MX2: variants seen among roughly 807,000 people sequenced by gnomAD.
MX2 encodes MX dynamin like GTPase 2.
In MX2, 51 loss-of-function variants were observed where a neutral mutation model predicts 74.0. The ratio of observed to expected loss-of-function variants is 0.69; its 90% CI spans 0.55 to 0.87. MX2 has a LOEUF of 0.87. MX2 is among the 40% of genes least tolerant of loss of function. The probability of loss-of-function intolerance (pLI) is 0.00; values close to 1 mark genes in which losing one functional copy is unlikely to be tolerated. For missense variants in MX2, 832 were observed against 908.7 expected (o/e 0.92, Z 1.09); for synonymous variants, 369 against 339.3 (o/e 1.09, Z -0.96).
At chr21:41,369,996 G>T (rs941376820) in intron 1 of MX2, among the ~76,000 whole-genome samples, 1 of 152,202 alleles carries the variant, frequency 6.6e-6, no homozygotes, top group African/African-American at 2.4e-5. Context: ...GCCAGTGTTT[G>T]CATGTGGAGA....
intron 3 of MX2, among the ~76,000 whole-genome samples, chr21:41,378,740 G>A (rs985551212): frequency 2.0e-5 from 3 of 152,192 alleles, no homozygotes; most frequent in East Asian, 3.8e-4. Flanking sequence ...GAGTTTTTAG[G>A]TAAGCAGGGC....
At chr21:41,385,773 C>G (rs1451414472) in intron 5 of MX2, among the ~76,000 whole-genome samples, 1 of 152,210 alleles carries the variant, frequency 6.6e-6, no homozygotes, top group African/African-American at 2.4e-5. Flanking sequence ...ATTAAGTTAT[C>G]TATCTTATAT....
At chr21:41,378,232 G>C (rs533976453) in intron 3 of MX2, among the ~76,000 whole-genome samples, 1 of 151,810 alleles carries the variant, frequency 6.6e-6, no homozygotes, top group African/African-American at 2.4e-5. Flanking sequence ...GGGAGAGACA[G>C]ACCATTGGGA....
Position 41,403,319 on chromosome 21 carries a change from TTTCA to T in MX2, c.1627_1630del (p.Phe543ThrfsTer13), listed in dbSNP as rs2089840654. ...TGGCCAAAAAACATTTTGGCGAATT[TTTCA>T]ACCTTAACCAAACTGTTCAGGTAAG... is the stretch of plus-strand genomic sequence containing the variant. On this transcript the variant is annotated frameshift_variant, in exon 12 of 14. Coordinates refer to ENST00000330714, the MANE Select transcript of MX2 (RefSeq NM_002463.2). LOFTEE classifies it high-confidence loss of function. The T allele has an allele frequency of 1.9e-6, 3 of 1,613,916 alleles. No individual in the cohort carries two copies. The Admixed American group carries it at 5.0e-5, about 27-fold the overall frequency.
Position 41,402,862 on chromosome 21 carries a change from G to A in MX2, c.1574-405G>A. 1 of 206,108 alleles carries A rather than the reference G, an allele frequency of 4.9e-6. No homozygotes were observed. 12.8% of individuals were successfully genotyped at this position (206,108 alleles called of 1,614,324 possible). A position where few individuals can be genotyped will look rare whatever the true frequency, so the allele number is the denominator to read the frequency against. ...TCCCTCGCACGTGCAGCTCACAACA[G>A]GGTTTGTGCTCCTGTGAGAATCTAG... On this transcript the variant is annotated intron_variant, in intron 11 of 13. Transcript: ENST00000330714. The surrounding 1 kb of genome is among the most constrained non-coding windows in gnomAD (Gnocchi z 4.5).
At chr21:41,390,472 C>G in intron 5 of MX2, 93 bp from the exon 6 acceptor site, 1 of 1,544,004 alleles carries the variant, frequency 6.5e-7, no homozygotes, top group East Asian at 2.3e-5. Context: ...GACAATGTTG[C>G]CTTTGCGCCA....
At chr21:41,391,300 G>A (rs1601418713) in intron 6 of MX2, among the ~76,000 whole-genome samples, 1 of 151,880 alleles carries the variant, frequency 6.6e-6, no homozygotes, top group East Asian at 1.9e-4. Flanking sequence ...ACATCTCCAA[G>A]GAAACTTAGT....
In MX2 at chr21:41,377,828, G is replaced by A. The variant is rs375497155; in HGVS notation, c.289G>A (p.Val97Met). The A allele has an allele frequency of 2.5e-5, 41 of 1,613,906 alleles. No individual in the cohort carries two copies. Among genetic ancestry groups the A allele is most frequent in the Non-Finnish European group, 3.1e-5 (37 of 1,179,930 alleles). The change falls in exon 3 of 14, where the codon GTG (valine) becomes ATG (methionine). Residue 97 changes from valine (V) to methionine (M), a missense_variant. Val to Met is a conservative substitution (Grantham distance 21). Coordinates refer to ENST00000330714, the MANE Select transcript of MX2 (RefSeq NM_002463.2). ...CCTGTACAGCCAGTACGAGCAGAAG[G>A]TGCGCCCCTGCATTGACCTCATCGA... Reference protein sequence around the residue: ...NNLYSQYEQKVRPCIDLIDSL... With the variant: ...NNLYSQYEQKMRPCIDLIDSL...
chr21:41,370,132 T>A (rs1402145895), intron 1 of MX2: 1 of 152,266 alleles, frequency 6.6e-6, no homozygotes, highest in Non-Finnish European at 1.5e-5. Context: ...GTAAAGGTTC[T>A]TTTCCTGGGC....
chr21:41,386,299 C>T (rs1478642219), intron 5 of MX2, among the ~76,000 whole-genome samples: 5 of 151,000 alleles, frequency 3.3e-5, no homozygotes, highest in East Asian at 1.9e-4. Flanking sequence ...GAGGTTTGCC[C>T]GTGCACACTC....
At chr21:41,393,497 T>C (rs2089691371) in intron 6 of MX2, among the ~76,000 whole-genome samples, 2 of 151,774 alleles carry the variant, frequency 1.3e-5, no homozygotes, top group South Asian at 2.1e-4. Context: ...ACCTCCCTCC[T>C]TCCTGAAACT....
chr21:41,393,831 C>T (rs910363878), intron 6 of MX2, among the ~76,000 whole-genome samples: 1 of 152,162 alleles, frequency 6.6e-6, no homozygotes, highest in Non-Finnish European at 1.5e-5. Context: ...TGGTTTCGTA[C>T]TCCATCCTGA....
intron 6 of MX2, among the ~76,000 whole-genome samples, chr21:41,392,692 A>G (rs2089676194): frequency 1.3e-5 from 2 of 152,230 alleles, no homozygotes; most frequent in Non-Finnish European, 2.9e-5. Flanking sequence ...ATTTTTGTAA[A>G]GAAATTTTTT....
intron 3 of MX2, among the ~76,000 whole-genome samples, chr21:41,378,970 C>T (rs987132235): frequency 6.6e-6 from 1 of 152,192 alleles, no homozygotes. Flanking sequence ...CCAAGGTTGC[C>T]CAGAGCAAGG....
At chr21:41,393,165 A>G (rs1409055416) in intron 6 of MX2, among the ~76,000 whole-genome samples, 6 of 151,626 alleles carry the variant, frequency 4.0e-5, no homozygotes, top group Admixed American at 3.9e-4. Context: ...AGAAAATTGA[A>G]TGACTACACA....
At chr21:41,364,486 G>A (rs76845265) in intron 1 of MX2, 2,146 of 154,822 alleles carry the variant, frequency 0.014, 45 homozygotes, top group East Asian at 0.068. Flanking sequence ...CGTGGACAGG[G>A]ACAGGGATGG....
At chr21:41,372,010 A>G (rs894360955) in intron 1 of MX2, among the ~76,000 whole-genome samples, 2 of 152,236 alleles carry the variant, frequency 1.3e-5, no homozygotes, top group Non-Finnish European at 2.9e-5. Context: ...GGTGATTCAG[A>G]CAGTGAAGTG....
chr21:41,376,081 C>A (rs2089397615), intron 1 of MX2, among the ~76,000 whole-genome samples: 1 of 152,232 alleles, frequency 6.6e-6, no homozygotes, highest in South Asian at 2.1e-4. Context: ...CCTGCTTCTC[C>A]CACACTCCCC....
intron 12 of MX2, chr21:41,404,873 C>CAAAAAAAAAAA (rs547207365): frequency 7.2e-5 from 5 of 69,082 alleles, no homozygotes; most frequent in Admixed American, 1.5e-4. Context: ...CACATATACT[C>CAAAAAAAAAAA]AAAAAAAAAA....
Sources: gnomAD v4.1 joint callset for allele counts (sites outside exome capture counted in the v4.1 genomes callset) on GRCh38, gnomAD v4.1.1 for gene constraint, Gnocchi (gnomAD v3.1) non-coding constraint, MANE v1.5 for transcripts, NCBI Gene and HGNC (gene_info 2026-07-23, HGNC 2026-07-21) for gene names.